The following NRXN1 variants were observed in gnomAD, a reference collection of about 807,000 sequenced individuals.
The protein encoded by NRXN1 is neurexin 1, also known as neurexin-1.
A neutral mutation model predicts 150.9 loss-of-function variants in NRXN1; 39 were observed. The ratio of observed to expected loss-of-function variants is 0.26; its 90% confidence interval spans 0.20 to 0.34. The LOEUF is 0.34. Among genes scored for constraint, NRXN1 ranks in the 10% least tolerant of loss-of-function variants. The pLI is 1.00. For synonymous variants in NRXN1, 924 were observed against 757.0 expected (o/e 1.22, Z -3.62); for missense variants, 1,815 against 1,949.9 (o/e 0.93, Z 1.30).
At position 50,705,093 on chromosome 2, in the gene NRXN1, G is replaced by A. The variant is rs185037037; in HGVS notation, c.833-81478C>T. Among the ~76,000 whole-genome samples the A allele has an allele frequency of 1.7e-3, 260 of 150,266 alleles. 2 individuals carry two copies. The highest frequency in any genetic ancestry group is 6.1e-3 in the African/African-American group (250 of 40,938). ...ACACACACACCCATCCCCAGGAACTGCCGATTTCTAGCATAAATCTACTGT... is the reference window on the plus strand; with the variant it reads ...ACACACACACCCATCCCCAGGAACTACCGATTTCTAGCATAAATCTACTGT... On this transcript the variant is annotated intron_variant, in intron 5 of 22. Coordinates refer to ENST00000401669, the MANE Select transcript of NRXN1 (RefSeq NM_001330078.2).
intron 5 of NRXN1, among the ~76,000 whole-genome samples, chr2:50,899,454 C>A (rs950515168): frequency 6.6e-6 from 1 of 152,032 alleles, no homozygotes; most frequent in Non-Finnish European, 1.5e-5. Flanking sequence ...ACATTAGAGG[C>A]CTTTTCATTT....
intron 5 of NRXN1, among the ~76,000 whole-genome samples, chr2:50,900,930 C>T (rs1682850071): frequency 6.6e-6 from 1 of 152,140 alleles, no homozygotes; most frequent in South Asian, 2.1e-4. Context: ...ATTACCTCTT[C>T]AATTCTCTCA....
chr2:50,347,462 G>A lies in NRXN1; in HGVS notation c.3365-110492C>T. The stretch of plus-strand genomic sequence containing the variant: ...GCCGGCCCAACCTCCTTTCAAGACA[G>A]AAGCAGACCCCATGGAATCCAGGCG... On this transcript the variant is annotated intron_variant, in intron 17 of 22. Coordinates refer to ENST00000401669, the MANE Select transcript of NRXN1 (RefSeq NM_001330078.2). The surrounding 1 kb of genome is among the most constrained non-coding windows in gnomAD (Gnocchi z 4.9). 2 of 1,104,682 alleles carry A rather than the reference G, an allele frequency of 1.8e-6. No individual in the cohort carries two copies. Among genetic ancestry groups the A allele is most frequent in the Non-Finnish European group, 2.2e-6 (2 of 898,450 alleles). 68.4% of individuals were successfully genotyped at this position (1,104,682 alleles called of 1,614,324 possible). A position where few individuals can be genotyped will look rare whatever the true frequency, so the allele number is the denominator to read the frequency against.
intron 5 of NRXN1, among the ~76,000 whole-genome samples, chr2:50,640,093 GTCAAAT>G (rs1683856783): frequency 6.6e-6 from 1 of 152,096 alleles, no homozygotes; most frequent in Admixed American, 6.6e-5. Context: ...TTCATAAGTT[GTCAAAT>G]TAACATCAAA....
intron 5 of NRXN1, among the ~76,000 whole-genome samples, chr2:50,662,666 A>G (rs1024837834): frequency 2.0e-5 from 3 of 151,904 alleles, no homozygotes; most frequent in Non-Finnish European, 2.9e-5. Flanking sequence ...TCTTCTTCCA[A>G]TGTGGTCAAG....
At chr2:50,739,315 G>C (rs1699160452) in intron 5 of NRXN1, 1 of 457,246 alleles carries the variant, frequency 2.2e-6, no homozygotes, top group Admixed American at 2.2e-5. Flanking sequence ...CCTCCATTAT[G>C]CAATGTGACT....
intron 2 of NRXN1, among the ~76,000 whole-genome samples, chr2:50,959,266 CAA>C (rs1692765721): frequency 6.6e-6 from 1 of 151,930 alleles, no homozygotes; most frequent in South Asian, 2.1e-4. Context: ...TATACATACT[CAA>C]GAGAACGGAA....
chr2:50,117,746 A>G (rs905129879), intron 18 of NRXN1, among the ~76,000 whole-genome samples: 1 of 151,162 alleles, frequency 6.6e-6, no homozygotes, highest in Non-Finnish European at 1.5e-5. Flanking sequence ...CGATTCAGTG[A>G]GCCAAATCAT....
At chr2:50,094,933 G>A (rs990707695) in intron 18 of NRXN1, among the ~76,000 whole-genome samples, 4 of 152,094 alleles carry the variant, frequency 2.6e-5, no homozygotes, top group Non-Finnish European at 4.4e-5. Flanking sequence ...TCCGAAAAGT[G>A]CCTCCTTAAG....
chr2:50,367,512 C>G (rs1290065134), intron 17 of NRXN1, among the ~76,000 whole-genome samples: 1 of 152,006 alleles, frequency 6.6e-6, no homozygotes, highest in Non-Finnish European at 1.5e-5. Flanking sequence ...GCAACAGGAT[C>G]TGTACCAAGC....
chr2:50,539,848 G>C (rs921158390), intron 9 of NRXN1, among the ~76,000 whole-genome samples: 3 of 152,200 alleles, frequency 2.0e-5, no homozygotes, highest in Non-Finnish European at 4.4e-5. Flanking sequence ...GTGTGATACA[G>C]AAGTAAGGAC....
chr2:50,300,246 T>C lies in NRXN1; in HGVS notation c.3365-63276A>G, dbSNP rs73930336. 9.9e-3 allele frequency among the ~76,000 whole-genome samples: 1,508 copies of C among 152,306 alleles called. 25 individuals are homozygous for C. The highest frequency in any genetic ancestry group is 0.034 in the African/African-American group (1,417 of 41,568). ...AACTTTTTAAGCTGGACTGAGTAAA[T>C]TGGGTAAGACCACCCTGATCCTAGT... On this transcript the variant is annotated intron_variant, in intron 17 of 22. Coordinates refer to ENST00000401669, the MANE Select transcript of NRXN1 (RefSeq NM_001330078.2).
chr2:50,992,560 C>A (rs1665020724), intron 2 of NRXN1, among the ~76,000 whole-genome samples: 1 of 151,896 alleles, frequency 6.6e-6, no homozygotes, highest in Non-Finnish European at 1.5e-5. Flanking sequence ...CCTATTATGA[C>A]AATAAGCTGT....
chr2:49,987,447 C>T (rs939437977), intron 21 of NRXN1, among the ~76,000 whole-genome samples: 4 of 152,064 alleles, frequency 2.6e-5, no homozygotes, highest in Admixed American at 6.5e-5. Flanking sequence ...GTCTAATTTA[C>T]ATATATGTCC....
chr2:50,229,124 G>A (rs1034942734), intron 18 of NRXN1, among the ~76,000 whole-genome samples: 7 of 151,902 alleles, frequency 4.6e-5, no homozygotes, highest in African/African-American at 1.7e-4. Context: ...CCCTATCTAT[G>A]CACCTAGATT....
At chr2:50,835,992 T>C (rs1672052663) in intron 5 of NRXN1, among the ~76,000 whole-genome samples, 1 of 152,206 alleles carries the variant, frequency 6.6e-6, no homozygotes, top group Non-Finnish European at 1.5e-5. Flanking sequence ...TTTTCAAATA[T>C]CTAAACTGTG....
At chr2:50,391,158 T>G (rs2081663324) in intron 17 of NRXN1, among the ~76,000 whole-genome samples, 1 of 151,766 alleles carries the variant, frequency 6.6e-6, no homozygotes. Flanking sequence ...GCAGGGCAGA[T>G]GAAAATGAGA....
intron 19 of NRXN1, among the ~76,000 whole-genome samples, chr2:50,060,591 C>A (rs544705610): frequency 6.6e-6 from 1 of 152,070 alleles, no homozygotes; most frequent in African/African-American, 2.4e-5. Flanking sequence ...TGTGTCCCCA[C>A]CCAAATCTCA....
chr2:50,577,053 A>G (rs1671541933), intron 8 of NRXN1, among the ~76,000 whole-genome samples: 1 of 152,068 alleles, frequency 6.6e-6, no homozygotes, highest in Non-Finnish European at 1.5e-5. Context: ...CAAGTGATAG[A>G]CTGCTACTAT....
Sources: gnomAD v4.1 joint callset for allele counts (sites outside exome capture counted in the v4.1 genomes callset) on GRCh38, gnomAD v4.1.1 for gene constraint, Gnocchi (gnomAD v3.1) non-coding constraint, MANE v1.5 for transcripts, NCBI Gene and HGNC (gene_info 2026-07-23, HGNC 2026-07-21) for gene names.